The following PALM2AKAP2 variants were observed in gnomAD, a reference collection of about 807,000 sequenced individuals.
The protein encoded by PALM2AKAP2 is PALM2 and AKAP2 fusion.
A neutral mutation model predicts 71.5 loss-of-function variants in PALM2AKAP2; 37 were observed. That is an observed-to-expected ratio of 0.52 (90% confidence interval 0.40 to 0.68). The LOEUF is 0.68. PALM2AKAP2 is among the 30% of genes least tolerant of loss of function. The pLI, the probability that PALM2AKAP2 is intolerant of heterozygous loss-of-function variation, is 0.00. For missense variants in PALM2AKAP2, 1,224 were observed against 1,191.8 expected (o/e 1.03, Z -0.40); for synonymous variants, 468 against 478.8 (o/e 0.98, Z 0.29).
intron 1 of PALM2AKAP2, among the ~76,000 whole-genome samples, chr9:110,057,159 G>T (rs575007303): frequency 6.6e-6 from 1 of 151,906 alleles, no homozygotes; most frequent in Non-Finnish European, 1.5e-5. Context: ...TTAGAGACAG[G>T]GTCTCTCCGT....
intron 2 of PALM2AKAP2, among the ~76,000 whole-genome samples, chr9:109,868,397 T>C (rs1383986237): frequency 2.0e-5 from 3 of 152,192 alleles, no homozygotes; most frequent in African/African-American, 4.8e-5. Context: ...CTTTGACTGC[T>C]CCTGGGCTTT....
chr9:110,017,660 G>A (rs903688234), intron 7 of PALM2AKAP2, among the ~76,000 whole-genome samples: 14 of 152,094 alleles, frequency 9.2e-5, no homozygotes. Context: ...AGCTGCAGAT[G>A]TGGTACAGAC....
intron 6 of PALM2AKAP2, among the ~76,000 whole-genome samples, chr9:110,003,407 A>C (rs571318943): frequency 6.6e-6 from 1 of 151,984 alleles, no homozygotes; most frequent in South Asian, 2.1e-4. Context: ...GTTTGTTATA[A>C]TTTCTATTCT....
chr9:109,990,999 A>G (rs1443906630), intron 6 of PALM2AKAP2, among the ~76,000 whole-genome samples: 4 of 152,162 alleles, frequency 2.6e-5, no homozygotes, highest in Non-Finnish European at 4.4e-5. Flanking sequence ...GTTAGGGCTC[A>G]GGGATATGGG....
In PALM2AKAP2 at chr9:109,903,534, C is replaced by G. The variant is rs1830376189; in HGVS notation, c.258-20201C>G. On this transcript the variant is annotated intron_variant, in intron 3 of 9. Coordinates refer to the PALM2AKAP2 transcript ENST00000302798. Reference sequence around the variant, plus strand: ...TGGCTTAGCTGGATATTTTTGCACACAGCATTAAGGGCAAGTGCACTGTTC... The same window carrying G: ...TGGCTTAGCTGGATATTTTTGCACAGAGCATTAAGGGCAAGTGCACTGTTC... 1.3e-5 allele frequency among the ~76,000 whole-genome samples: 2 copies of G among 152,208 alleles called. 1 individual carries two copies. The highest frequency in any genetic ancestry group is 4.1e-4 in the South Asian group (2 of 4,822).
intron 1 of PALM2AKAP2, among the ~76,000 whole-genome samples, chr9:109,797,268 A>C (rs73531300): frequency 0.072 from 10,977 of 152,120 alleles, 1,157 homozygotes; most frequent in African/African-American, 0.23. Context: ...GCTTGGGGTT[A>C]CCCTGAGCTT....
chr9:109,776,887 A>C (rs960233915), upstream of PALM2AKAP2, among the ~76,000 whole-genome samples: 15 of 152,192 alleles, frequency 9.9e-5, no homozygotes, highest in African/African-American at 3.4e-4. Context: ...GGCAGTTAAA[A>C]ATCACTTAGG....
intron 1 of PALM2AKAP2, among the ~76,000 whole-genome samples, chr9:109,827,502 A>G (rs1386049153): frequency 6.6e-6 from 1 of 152,072 alleles, no homozygotes; most frequent in Non-Finnish European, 1.5e-5. Flanking sequence ...CCAGCTACTC[A>G]GGAGGCTGAG....
At chr9:109,740,096 A>G (rs549921873) in intron 1 of PALM2AKAP2, among the ~76,000 whole-genome samples, 1 of 152,360 alleles carries the variant, frequency 6.6e-6, no homozygotes, top group Admixed American at 6.5e-5. Context: ...GAAAATCAGT[A>G]TACCAGTCCA....
At chr9:109,924,910 C>A in intron 4 of PALM2AKAP2, 151 bp from the exon 5 acceptor site, 1 of 1,080,808 alleles carries the variant, frequency 9.3e-7, no homozygotes, top group South Asian at 1.8e-5. Flanking sequence ...ATAAATTGTC[C>A]AGAAGAAAAG....
Position 110,168,332 on chromosome 9 carries a change from A to G in PALM2AKAP2, c.2749-67A>G, listed in dbSNP as rs1046052760. The G allele has an allele frequency of 1.9e-6, 3 of 1,560,432 alleles. No homozygotes were observed. The African/African-American group carries it at 4.1e-5, about 21-fold the overall frequency. ...TAAAGAGAAAGGAAGAAAGAAACAG[A>G]GAAGTCGGTTTATGTTCATAATTAA... is the stretch of plus-strand genomic sequence containing the variant. On this transcript the variant is annotated intron_variant, in intron 3 of 3. Coordinates refer to ENST00000374525, the Ensembl canonical transcript of PALM2AKAP2.
chr9:109,641,470 C>T (rs540945028), intron 1 of PALM2AKAP2, among the ~76,000 whole-genome samples: 33 of 152,280 alleles, frequency 2.2e-4, no homozygotes, highest in South Asian at 1.5e-3. Flanking sequence ...CGTTTGGCAC[C>T]GTGAATACGG....
At chr9:109,722,677 T>TG (rs1828424092) in intron 1 of PALM2AKAP2, among the ~76,000 whole-genome samples, 1 of 151,916 alleles carries the variant, frequency 6.6e-6, no homozygotes, top group Non-Finnish European at 1.5e-5. Context: ...GAGGCTGAGG[T>TG]GGGGGGATCA....
chr9:110,060,320 C>A (rs1184688539), intron 1 of PALM2AKAP2, among the ~76,000 whole-genome samples: 21 of 152,042 alleles, frequency 1.4e-4, no homozygotes, highest in Admixed American at 1.4e-3. Context: ...CCAGGCTGGT[C>A]TCGAACTCCT....
chr9:110,018,744 A>G lies in PALM2AKAP2; in HGVS notation c.582+2705A>G, dbSNP rs1278210823. ...GAATTTGTGAATTTTCTAGGTGGAT[A>G]TAACTACAGAAAATGCTTGTTTCTA... On this transcript the variant is annotated intron_variant, in intron 7 of 9. Transcript: ENST00000302798. Among the ~76,000 whole-genome samples, 2 of 152,236 alleles carry G rather than the reference A, an allele frequency of 1.3e-5. 1 individual carries two copies. Among genetic ancestry groups the G allele is most frequent in the South Asian group, 4.1e-4 (2 of 4,832 alleles).
At chr9:109,721,484 C>A (rs1331240585) in intron 1 of PALM2AKAP2, among the ~76,000 whole-genome samples, 1 of 152,214 alleles carries the variant, frequency 6.6e-6, no homozygotes, top group Non-Finnish European at 1.5e-5. Flanking sequence ...TACCTTCTAT[C>A]TTGTTATTTC....
chr9:109,670,017 A>C (rs1827551224), intron 1 of PALM2AKAP2, among the ~76,000 whole-genome samples: 1 of 152,026 alleles, frequency 6.6e-6, no homozygotes. Flanking sequence ...TTCTAATATT[A>C]ATATTTCAAG....
chr9:110,100,533 G>A (rs897980389), intron 1 of PALM2AKAP2, among the ~76,000 whole-genome samples: 2 of 152,084 alleles, frequency 1.3e-5, no homozygotes, highest in African/African-American at 4.8e-5. Context: ...TCTGAGAAAG[G>A]CCACTGGAAA....
chr9:110,063,330 A>C (rs1834004042), intron 1 of PALM2AKAP2, among the ~76,000 whole-genome samples: 1 of 151,998 alleles, frequency 6.6e-6, no homozygotes, highest in Admixed American at 6.6e-5. Context: ...GTTGCTTCTG[A>C]GGGCTGTGAG....
Sources: allele counts gnomAD v4.1 joint callset (sites outside exome capture counted in the v4.1 genomes callset), GRCh38; gene constraint gnomAD v4.1.1; transcripts MANE v1.5; gene names NCBI Gene and HGNC (gene_info 2026-07-23, HGNC 2026-07-21).